The following ROBO2 variants were observed in gnomAD, a reference collection of about 807,000 sequenced individuals.
The protein encoded by ROBO2 is roundabout guidance receptor 2, also known as roundabout homolog 2.
ROBO2 carries 53 observed loss-of-function variants against 160.8 expected under a neutral mutation model. The ratio of observed to expected loss-of-function variants is 0.33; its 90% CI spans 0.26 to 0.41. The LOEUF (loss-of-function observed/expected upper bound fraction) is 0.41. Ranked by LOEUF, ROBO2 falls within the 10% of genes least tolerant of loss-of-function variation. The probability of loss-of-function intolerance (pLI) is 1.00; values close to 1 mark genes in which losing one functional copy is unlikely to be tolerated. For synonymous variants in ROBO2, 664 were observed against 611.7 expected (o/e 1.09, Z -1.26); for missense variants, 1,577 against 1,722.4 (o/e 0.92, Z 1.49).
intron 2 of ROBO2, among the ~76,000 whole-genome samples, chr3:76,295,673 G>A (rs1389192268): frequency 6.6e-6 from 1 of 151,988 alleles, no homozygotes; most frequent in African/African-American, 2.4e-5. Context: ...AGGGGGGGAT[G>A]CAGTTTAAAA....
intron 2 of ROBO2, among the ~76,000 whole-genome samples, chr3:76,151,020 T>C (rs550657217): frequency 4.5e-4 from 69 of 152,154 alleles, no homozygotes; most frequent in Non-Finnish European, 8.7e-4. Flanking sequence ...CCCTACCGTG[T>C]GTTGGGTCCT....
At chr3:76,554,984 G>A (rs1434389781) in intron 2 of ROBO2, among the ~76,000 whole-genome samples, 1 of 151,252 alleles carries the variant, frequency 6.6e-6, no homozygotes, top group Non-Finnish European at 1.5e-5. Flanking sequence ...AAAAGCATGT[G>A]GTTAAAATCT....
chr3:77,064,463 C>T (rs371517949), intron 1 of ROBO2, among the ~76,000 whole-genome samples: 3 of 149,596 alleles, frequency 2.0e-5, no homozygotes, highest in East Asian at 2.0e-4. Flanking sequence ...CAGGTTCAAG[C>T]GATTCTCCAG....
intron 2 of ROBO2, among the ~76,000 whole-genome samples, chr3:77,404,051 G>A (rs2076054311): frequency 6.6e-6 from 1 of 152,024 alleles, no homozygotes; most frequent in Admixed American, 6.6e-5. Context: ...TTTATTATGA[G>A]GAAAGAATTG....
chr3:77,200,848 C>A (rs138856298), intron 2 of ROBO2, among the ~76,000 whole-genome samples: 1 of 152,074 alleles, frequency 6.6e-6, no homozygotes, highest in African/African-American at 2.4e-5. Flanking sequence ...AACTGGCAAG[C>A]GAGGGTTACC....
At chr3:76,599,928 A>G (rs1371974077) in intron 2 of ROBO2, among the ~76,000 whole-genome samples, 1 of 152,164 alleles carries the variant, frequency 6.6e-6, no homozygotes, top group Non-Finnish European at 1.5e-5. Context: ...AGTTCCTTAT[A>G]GATGCTAAAT....
intron 2 of ROBO2, among the ~76,000 whole-genome samples, chr3:76,250,247 A>G (rs1328463706): frequency 6.6e-6 from 1 of 152,122 alleles, no homozygotes; most frequent in Non-Finnish European, 1.5e-5. Context: ...ATAACCCAGA[A>G]TATTAGAAAT....
At chr3:77,303,288 G>T (rs1355808318) in intron 2 of ROBO2, among the ~76,000 whole-genome samples, 1 of 152,196 alleles carries the variant, frequency 6.6e-6, no homozygotes, top group African/African-American at 2.4e-5. Context: ...ATCACACAGA[G>T]TGGACACTCC....
chr3:76,416,896 C>T (rs560975364), intron 2 of ROBO2, among the ~76,000 whole-genome samples: 14 of 152,244 alleles, frequency 9.2e-5, no homozygotes, highest in Middle Eastern at 3.4e-3. Context: ...TAGTATTAAA[C>T]TTTATATTAT....
chr3:76,855,102 A>C (rs2069899339), intron 2 of ROBO2, among the ~76,000 whole-genome samples: 1 of 152,230 alleles, frequency 6.6e-6, no homozygotes, highest in South Asian at 2.1e-4. Context: ...CAAATTAAGT[A>C]AAATTCACAC....
chr3:77,170,050 G>A (rs1028230314), intron 2 of ROBO2, among the ~76,000 whole-genome samples: 9 of 152,140 alleles, frequency 5.9e-5, no homozygotes, highest in African/African-American at 2.2e-4. Flanking sequence ...TGAGTGTTCC[G>A]GCATGATCCT....
At chr3:77,627,511 G>C (rs983463723) in intron 23 of ROBO2, among the ~76,000 whole-genome samples, 4 of 151,614 alleles carry the variant, frequency 2.6e-5, no homozygotes, top group African/African-American at 7.3e-5. Context: ...TCTCAAACTC[G>C]TGACCTCAGG....
chr3:76,967,511 CTTTTTTTTT>C (rs59372235), intron 2 of ROBO2, among the ~76,000 whole-genome samples: 75 of 55,392 alleles, frequency 1.4e-3, no homozygotes, highest in African/African-American at 5.6e-3. Flanking sequence ...CTGGCCAGCT[CTTTTTTTTT>C]TTTTTTTTTT....
chr3:76,848,167 C>A (rs942991324), intron 2 of ROBO2, among the ~76,000 whole-genome samples: 1 of 152,056 alleles, frequency 6.6e-6, no homozygotes, highest in Non-Finnish European at 1.5e-5. Context: ...GTTCCAGAAA[C>A]AATTGAGTCA....
At chr3:77,099,858 G>A (rs1483096495) in intron 2 of ROBO2, among the ~76,000 whole-genome samples, 1 of 151,890 alleles carries the variant, frequency 6.6e-6, no homozygotes, top group African/African-American at 2.4e-5. Flanking sequence ...GCTAGACCAG[G>A]TCCTGAATCT....
chr3:76,248,376 T>C (rs950424002), intron 2 of ROBO2, among the ~76,000 whole-genome samples: 4 of 150,948 alleles, frequency 2.6e-5, no homozygotes, highest in Admixed American at 6.6e-5. Flanking sequence ...TCATTCTCAG[T>C]AAACTATCGC....
At chr3:76,357,353 C>T (rs1325088707) in intron 2 of ROBO2, among the ~76,000 whole-genome samples, 1 of 151,900 alleles carries the variant, frequency 6.6e-6, no homozygotes, top group Non-Finnish European at 1.5e-5. Context: ...CAATCAAATA[C>T]TACTCAGCAA....
At chr3:77,452,787 G>T (rs1056564054) in intron 2 of ROBO2, among the ~76,000 whole-genome samples, 1 of 152,064 alleles carries the variant, frequency 6.6e-6, no homozygotes, top group African/African-American at 2.4e-5. Context: ...TAAATAAAAA[G>T]CAGAATTTAA....
chr3:76,859,247 G>T lies in ROBO2; in HGVS notation c.110-238767G>T, dbSNP rs1344752404. On this transcript the variant is annotated intron_variant, in intron 2 of 26. Coordinates refer to the ROBO2 transcript ENST00000487694. ...AAAATAGACATGACTTTCAAGAGAG[G>T]CATAGTCAATTTTATCAATGCAAGG... Among the ~76,000 whole-genome samples the T allele has an allele frequency of 2.6e-5, 4 of 152,100 alleles. No individual in the cohort carries two copies. In the East Asian group the frequency reaches 7.7e-4, roughly 29 times the overall value.
Sources: gnomAD v4.1 joint callset for allele counts (sites outside exome capture counted in the v4.1 genomes callset) on GRCh38, gnomAD v4.1.1 for gene constraint, MANE v1.5 for transcripts, NCBI Gene and HGNC (gene_info 2026-07-23, HGNC 2026-07-21) for gene names.